The following ITFG1 variants were observed in gnomAD, a reference collection of about 807,000 sequenced individuals.
ITFG1 encodes the protein T-cell immunomodulatory protein.
Under a neutral mutation model 81.8 loss-of-function variants are expected in ITFG1, and 34 were observed. The observed-to-expected ratio is 0.42, with a 90% CI of 0.32 to 0.55. ITFG1 has a LOEUF of 0.55. ITFG1 is among the 20% of genes least tolerant of loss of function. The probability of loss-of-function intolerance (pLI) is 0.17; values close to 1 mark genes in which losing one functional copy is unlikely to be tolerated. For synonymous variants in ITFG1, 285 were observed against 270.6 expected, an observed-to-expected ratio of 1.05 and a Z score of -0.52; for missense variants, 672 against 755.4, an observed-to-expected ratio of 0.89 and a Z score of 1.29.
intron 10 of ITFG1, among the ~76,000 whole-genome samples, chr16:47,278,181 G>A (rs548542338): frequency 6.6e-6 from 1 of 152,280 alleles, no homozygotes; most frequent in East Asian, 1.9e-4. Context: ...TACAAATGGA[G>A]ATTTTGTGTA....
In ITFG1 at chr16:47,323,472, T is replaced by C. The variant is rs1393470386; in HGVS notation, c.803-9649A>G. ...CCAGGAGGACTCTGGTATTATCAGATGTGGCTATTATCAGATGTGGCTGCT... is the reference window on the plus strand; with the variant it reads ...CCAGGAGGACTCTGGTATTATCAGACGTGGCTATTATCAGATGTGGCTGCT... On this transcript the variant is annotated intron_variant, in intron 8 of 17. Transcript: ENST00000320640. Among the ~76,000 whole-genome samples, 8 of 151,046 alleles carry C rather than the reference T, an allele frequency of 5.3e-5. No homozygotes were observed. In the East Asian group the frequency reaches 1.5e-3, roughly 29 times the overall value.
At chr16:47,416,569 G>A (rs1013750179) in intron 6 of ITFG1, among the ~76,000 whole-genome samples, 1 of 152,212 alleles carries the variant, frequency 6.6e-6, no homozygotes. Context: ...ATCTATCTGG[G>A]TAATGGGAGT....
chr16:47,296,676 T>C (rs1268699072), intron 10 of ITFG1, among the ~76,000 whole-genome samples: 1 of 152,216 alleles, frequency 6.6e-6, no homozygotes, highest in South Asian at 2.1e-4. Context: ...CCTCAGGTGA[T>C]CCACTGGCCT....
rs771169968 is a variant in ITFG1, at chr16:47,260,640, C to T, written c.1126G>A (p.Glu376Lys). The change falls in exon 11 of 18, where the codon GAG becomes AAG. Residue 376 changes from glutamate to lysine, a missense_variant. By Grantham distance (56) the Glu-to-Lys change is moderately conservative. Transcript: ENST00000320640. ...TAGACTTTAAACATTCGACGCGCCTCTTCACAGCTTGCATTATTACAAGGG... is the reference window on the plus strand; with the variant it reads ...TAGACTTTAAACATTCGACGCGCCTTTTCACAGCTTGCATTATTACAAGGG... ...NVPCNNASCE[E>K]ARRMFKVYWE... 1.2e-6 allele frequency: 2 copies of T among 1,614,176 alleles called. No homozygotes were observed. The highest frequency in any genetic ancestry group is 1.7e-6 in the Non-Finnish European group (2 of 1,180,042).
At chr16:47,421,270 G>GCA (rs58232411) in intron 6 of ITFG1, among the ~76,000 whole-genome samples, 24,178 of 129,742 alleles carry the variant, frequency 0.19, 2,006 homozygotes, top group African/African-American at 0.2. Flanking sequence ...ACATACATAT[G>GCA]CACACACACA....
At chr16:47,444,076 T>C (rs1969291282) in intron 5 of ITFG1, among the ~76,000 whole-genome samples, 1 of 152,184 alleles carries the variant, frequency 6.6e-6, no homozygotes, top group Non-Finnish European at 1.5e-5. Flanking sequence ...AGTGTGACCT[T>C]GTTTTTTATT....
chr16:47,383,757 A>G (rs1968424654), intron 6 of ITFG1, among the ~76,000 whole-genome samples: 1 of 152,214 alleles, frequency 6.6e-6, no homozygotes, highest in Non-Finnish European at 1.5e-5. Context: ...ACAAAAAATT[A>G]GCTGGGCATG....
chr16:47,430,807 T>C (rs1969086018), intron 5 of ITFG1, among the ~76,000 whole-genome samples: 1 of 152,204 alleles, frequency 6.6e-6, no homozygotes, highest in Non-Finnish European at 1.5e-5. Context: ...TGATCCTGCA[T>C]TTCTACGCTT....
At chr16:47,263,170 C>A (rs955027611) in intron 10 of ITFG1, 10 of 301,090 alleles carry the variant, frequency 3.3e-5, no homozygotes, top group Admixed American at 3.3e-4. Flanking sequence ...TGTCCATAGG[C>A]AACATGATCT....
chr16:47,351,314 A>G (rs1454330097), intron 8 of ITFG1, among the ~76,000 whole-genome samples: 1 of 152,230 alleles, frequency 6.6e-6, no homozygotes, highest in African/African-American at 2.4e-5. Flanking sequence ...AGAAAACCCC[A>G]TCGTCTCAGC....
chr16:47,385,041 G>C (rs190356195), intron 6 of ITFG1, among the ~76,000 whole-genome samples: 1 of 152,290 alleles, frequency 6.6e-6, no homozygotes, highest in Non-Finnish European at 1.5e-5. Context: ...CTCTCTTGTT[G>C]GACGAATTTG....
chr16:47,314,667 C>T (rs1967324180), intron 8 of ITFG1, among the ~76,000 whole-genome samples: 1 of 152,122 alleles, frequency 6.6e-6, no homozygotes. Flanking sequence ...ATGGGGTTTA[C>T]AGATTTTGAT....
In ITFG1 at chr16:47,155,637, T is replaced by C. The variant is rs1964691095; in HGVS notation, c.*82A>G. The C allele has an allele frequency of 3.7e-6, 3 of 811,684 alleles. No homozygotes were observed. In the South Asian group the frequency reaches 4.8e-5, roughly 13 times the overall value. The allele number at this position is 811,684 out of a possible 1,614,324, so 50.3% of individuals were successfully genotyped here. A position where few individuals can be genotyped will look rare whatever the true frequency, so the allele number is the denominator to read the frequency against. ...TACATCATTTATAAATAATATTTAA[T>C]CTCCCCTATTTTTTCAAGCCAGAAT... is the stretch of plus-strand genomic sequence containing the variant. On this transcript the variant is annotated 3_prime_UTR_variant, in exon 18 of 18. Coordinates refer to ENST00000320640, the MANE Select transcript of ITFG1 (RefSeq NM_030790.5).
At position 47,434,416 on chromosome 16, in the gene ITFG1, T is replaced by C. The variant is rs1005558246; in HGVS notation, c.561-5518A>G. Among the ~76,000 whole-genome samples the C allele has an allele frequency of 2.7e-5, 4 of 148,688 alleles. No homozygotes were observed. The East Asian group carries it at 7.8e-4, about 29-fold the overall frequency. On this transcript the variant is annotated intron_variant, in intron 5 of 17. Transcript: ENST00000320640. ...ATGTGAACAGATACTTCTCAAAAGA[T>C]GACATTCCTGTGGCCAAAAAACACG...
At chr16:47,367,717 C>G (rs1330723245) in intron 7 of ITFG1, among the ~76,000 whole-genome samples, 1 of 152,206 alleles carries the variant, frequency 6.6e-6, no homozygotes, top group African/African-American at 2.4e-5. Context: ...AAGCAATGTT[C>G]CAACCACTTT....
At chr16:47,412,080 A>G (rs1341329152) in intron 6 of ITFG1, among the ~76,000 whole-genome samples, 1 of 152,192 alleles carries the variant, frequency 6.6e-6, no homozygotes, top group Non-Finnish European at 1.5e-5. Flanking sequence ...CAAACCCTCA[A>G]GGGAAATACA....
chr16:47,362,601 C>T (rs1348025953), intron 8 of ITFG1, among the ~76,000 whole-genome samples: 2 of 152,156 alleles, frequency 1.3e-5, no homozygotes, highest in African/African-American at 4.8e-5. Context: ...GTGGTTTATT[C>T]ACTAGTCACT....
chr16:47,349,098 G>A (rs1161866022), intron 8 of ITFG1, among the ~76,000 whole-genome samples: 2 of 152,170 alleles, frequency 1.3e-5, no homozygotes, highest in Non-Finnish European at 2.9e-5. Flanking sequence ...ACCAGCCACT[G>A]CAAAAACATG....
At chr16:47,177,947 A>G (rs1012680024) in intron 14 of ITFG1, among the ~76,000 whole-genome samples, 2 of 152,222 alleles carry the variant, frequency 1.3e-5, no homozygotes, top group African/African-American at 4.8e-5. Flanking sequence ...CAATATCATA[A>G]TTTGACACCC....
Sources: allele counts gnomAD v4.1 joint callset (sites outside exome capture counted in the v4.1 genomes callset), GRCh38; gene constraint gnomAD v4.1.1; transcripts MANE v1.5; gene names NCBI Gene and HGNC (gene_info 2026-07-23, HGNC 2026-07-21).